DENND1A: variants seen among roughly 807,000 people sequenced by gnomAD.
The protein encoded by DENND1A is DENN domain-containing protein 1A.
DENND1A carries 51 observed loss-of-function variants against 113.7 expected under a neutral mutation model. The ratio of observed to expected loss-of-function variants is 0.45; its 90% confidence interval spans 0.36 to 0.57. DENND1A has a LOEUF of 0.57. Ranked by LOEUF, DENND1A falls within the 20% of genes least tolerant of loss-of-function variation. The probability of loss-of-function intolerance (pLI) is 0.00; values close to 1 mark genes in which losing one functional copy is unlikely to be tolerated. For missense variants in DENND1A, 1,258 were observed against 1,395.9 expected, an observed-to-expected ratio of 0.90 and a Z score of 1.57; for synonymous variants, 565 against 570.8, an observed-to-expected ratio of 0.99 and a Z score of 0.14.
At chr9:123,698,967 A>AT (rs1485045267) in intron 5 of DENND1A, among the ~76,000 whole-genome samples, 1 of 152,262 alleles carries the variant, frequency 6.6e-6, no homozygotes, top group African/African-American at 2.4e-5. Flanking sequence ...TAAAAAGCCT[A>AT]AAGAATGGCA....
At chr9:123,810,691 C>A in intron 2 of DENND1A, among the ~76,000 whole-genome samples, 1 of 151,842 alleles carries the variant, frequency 6.6e-6, no homozygotes, top group Non-Finnish European at 1.5e-5. Context: ...CAGCCCCAGG[C>A]CATGGGTTGG....
chr9:123,705,252 G>T (rs1184433962), intron 5 of DENND1A, among the ~76,000 whole-genome samples: 2 of 152,152 alleles, frequency 1.3e-5, no homozygotes, highest in Non-Finnish European at 2.9e-5. Context: ...TTGGAGAAAT[G>T]CTAATATACT....
chr9:123,513,821 C>T (rs946474700), intron 13 of DENND1A, among the ~76,000 whole-genome samples: 1 of 152,194 alleles, frequency 6.6e-6, no homozygotes, highest in Non-Finnish European at 1.5e-5. Context: ...GTCACATACC[C>T]TTTTGATCAT....
At chr9:123,441,361 T>A (rs2132380714) in intron 18 of DENND1A, among the ~76,000 whole-genome samples, 1 of 152,342 alleles carries the variant, frequency 6.6e-6, no homozygotes, top group Non-Finnish European at 1.5e-5. Flanking sequence ...TAAGATGTGT[T>A]TGTTCCTACC....
intron 13 of DENND1A, among the ~76,000 whole-genome samples, chr9:123,521,407 C>T (rs931372436): frequency 2.0e-5 from 3 of 152,176 alleles, no homozygotes; most frequent in Admixed American, 2.0e-4. Context: ...ATTGTTACAA[C>T]TTTGGGCAAG....
At chr9:123,696,652 C>A (rs2065539139) in intron 5 of DENND1A, among the ~76,000 whole-genome samples, 1 of 152,184 alleles carries the variant, frequency 6.6e-6, no homozygotes, top group African/African-American at 2.4e-5. Flanking sequence ...TAACCAGAAG[C>A]AGCTGCTGCT....
At chr9:123,898,859 G>T (rs1467781671) in intron 1 of DENND1A, among the ~76,000 whole-genome samples, 1 of 152,148 alleles carries the variant, frequency 6.6e-6, no homozygotes, top group Non-Finnish European at 1.5e-5. Context: ...AACATGGAAG[G>T]TATCAAAGGT....
chr9:123,552,002 CGAGA>C lies in DENND1A; in HGVS notation c.993+5564_993+5567del, dbSNP rs1190191759. On this transcript the variant is annotated intron_variant, in intron 13 of 23. Coordinates refer to ENST00000394215, the MANE Select transcript of DENND1A (RefSeq NM_001352964.2). ...GAAAGAGAGAGAGAGCGAGAGAGAG[CGAGA>C]GAGAGCGAGAGCGAGAGAGAGAGAG... 1.0e-3 allele frequency among the ~76,000 whole-genome samples: 111 copies of C among 107,164 alleles called. 2 individuals are homozygous for C. The highest frequency in any genetic ancestry group is 7.2e-3 in the South Asian group (23 of 3,198). 70.3% of individuals were successfully genotyped at this position (107,164 alleles called of 152,430 possible). A position where few individuals can be genotyped will look rare whatever the true frequency, so the allele number is the denominator to read the frequency against.
intron 9 of DENND1A, among the ~76,000 whole-genome samples, chr9:123,634,525 T>C (rs2061618133): frequency 6.6e-6 from 1 of 152,170 alleles, no homozygotes; most frequent in African/African-American, 2.4e-5. Flanking sequence ...ACTCTGTTTC[T>C]AAAAATAAAA....
chr9:123,568,442 G>A (rs1271050016), intron 12 of DENND1A, among the ~76,000 whole-genome samples: 6 of 152,182 alleles, frequency 3.9e-5, no homozygotes, highest in Non-Finnish European at 5.9e-5. Context: ...ATTCTTCTGC[G>A]CTAGCTCAAC....
chr9:123,922,999 CTTGT>C (rs1856526517), intron 1 of DENND1A, among the ~76,000 whole-genome samples: 1 of 152,136 alleles, frequency 6.6e-6, no homozygotes, highest in South Asian at 2.1e-4. Flanking sequence ...ATTTTTCTTC[CTTGT>C]TTATCTTTCC....
At chr9:123,571,531 C>T (rs1280811685) in intron 12 of DENND1A, among the ~76,000 whole-genome samples, 1 of 152,226 alleles carries the variant, frequency 6.6e-6, no homozygotes, top group Non-Finnish European at 1.5e-5. Context: ...TTTCTCTCTT[C>T]TATTTTTACA....
chr9:123,497,903 A>C lies in DENND1A; in HGVS notation c.994-40006T>G, dbSNP rs541740779. Among the ~76,000 whole-genome samples the C allele has an allele frequency of 1.7e-3, 263 of 152,310 alleles. 1 individual carries two copies. The highest frequency in any genetic ancestry group is 3.4e-3 in the Middle Eastern group (1 of 292). The stretch of plus-strand genomic sequence containing the variant: ...AAATGGGACACTGATTTTATAAGCA[A>C]AGCCACAAAAGGAGCAGTTACTTCA... On this transcript the variant is annotated intron_variant, in intron 13 of 23. Transcript: ENST00000394215.
chr9:123,700,855 T>C (rs2065844343), intron 5 of DENND1A, among the ~76,000 whole-genome samples: 1 of 152,244 alleles, frequency 6.6e-6, no homozygotes, highest in Admixed American at 6.5e-5. Flanking sequence ...TATATCTATT[T>C]AGATCTTTTT....
At chr9:123,609,594 T>TA (rs1309684495) in intron 10 of DENND1A, 113 bp from the exon 11 acceptor site, 1 of 1,177,946 alleles carries the variant, frequency 8.5e-7, no homozygotes, top group Non-Finnish European at 1.2e-6. Flanking sequence ...TATGCATAGT[T>TA]ACATTTCCTT....
At chr9:123,620,559 T>C (rs2060907280) in intron 10 of DENND1A, among the ~76,000 whole-genome samples, 2 of 152,186 alleles carry the variant, frequency 1.3e-5, no homozygotes, top group Admixed American at 6.5e-5. Flanking sequence ...GACTTCCAAA[T>C]CTGAACTGTT....
chr9:123,514,350 G>C (rs937708910), intron 13 of DENND1A, among the ~76,000 whole-genome samples: 2 of 152,032 alleles, frequency 1.3e-5, no homozygotes, highest in African/African-American at 2.4e-5. Flanking sequence ...ATGTGAGAGA[G>C]TGGAGGTGGT....
At chr9:123,441,490 T>G (rs920066918) in intron 18 of DENND1A, among the ~76,000 whole-genome samples, 1 of 152,214 alleles carries the variant, frequency 6.6e-6, no homozygotes, top group African/African-American at 2.4e-5. Context: ...AAATTTACAT[T>G]TAATTTGTGC....
At chr9:123,754,322 C>G (rs1398448949) in intron 5 of DENND1A, among the ~76,000 whole-genome samples, 2 of 152,172 alleles carry the variant, frequency 1.3e-5, no homozygotes, top group Admixed American at 6.5e-5. Flanking sequence ...TAAACCCTTC[C>G]ATTTACATGC....
Sources: gnomAD v4.1 joint callset for allele counts (sites outside exome capture counted in the v4.1 genomes callset) on GRCh38, gnomAD v4.1.1 for gene constraint, MANE v1.5 for transcripts, NCBI Gene and HGNC (gene_info 2026-07-23, HGNC 2026-07-21) for gene names.